UBE2N: variants seen among roughly 807,000 people sequenced by gnomAD.
UBE2N encodes ubiquitin conjugating enzyme E2 N.
For synonymous variants in UBE2N, 70 were observed against 69.2 expected (o/e 1.01, Z -0.06); for missense variants, 60 against 192.1 (o/e 0.31, Z 4.07).
intron 1 of UBE2N, among the ~76,000 whole-genome samples, chr12:93,424,920 T>C (rs1466868621): frequency 6.6e-6 from 1 of 152,240 alleles, no homozygotes; most frequent in African/African-American, 2.4e-5. Flanking sequence ...TTTAATGTTA[T>C]CTATTTTGTG....
chr12:93,433,135 A>G (rs922436860), intron 1 of UBE2N, among the ~76,000 whole-genome samples: 1 of 151,908 alleles, frequency 6.6e-6, no homozygotes, highest in Non-Finnish European at 1.5e-5. Context: ...GGGTTTCACC[A>G]TGTTAGCCAG....
At chr12:93,429,355 T>C in intron 1 of UBE2N, 1 of 410,058 alleles carries the variant, frequency 2.4e-6, no homozygotes, top group South Asian at 1.8e-5. Context: ...TTTTTAGACT[T>C]ACTGAGAAAA....
intron 1 of UBE2N, among the ~76,000 whole-genome samples, chr12:93,434,964 G>A (rs1878889574): frequency 6.6e-6 from 1 of 151,956 alleles, no homozygotes; most frequent in African/African-American, 2.4e-5. Context: ...GGGTGCAGTG[G>A]TGCCACTAAT....
At position 93,406,456 on chromosome 12, in the gene UBE2N, TTA is replaced by T. The variant is rs1877824656; in HGVS notation, c.*3581_*3582del. The T allele has an allele frequency of 6.6e-6, 1 of 152,126 alleles. No homozygotes were observed. Among genetic ancestry groups the T allele is most frequent in the Admixed American group, 6.5e-5 (1 of 15,272 alleles). The allele number at this position is 152,126 out of a possible 1,614,324, so 9.4% of individuals were successfully genotyped here. On this transcript the variant is annotated 3_prime_UTR_variant, in exon 4 of 4. Transcript: ENST00000318066. The stretch of plus-strand genomic sequence containing the variant: ...CAAACAACCATAGCACCTGTGACTT[TTA>T]TCTGTTGGTTTGTATTTAATCTTAT...
chr12:93,410,837 C>G lies in UBE2N; in HGVS notation c.315G>C (p.Leu105=). The change falls in exon 3 of 4, where the codon CTG becomes CTC. Residue 105 remains leucine (L), a synonymous_variant. Transcript: ENST00000318066. ...CACTTAACAAGGCCTGGATCGATAG[C>G]AGAACTGTGCGGATCTGCAGTGCTG... ...WSPALQIRTV[L]LSIQALLSAP... is the part of the protein sequence containing the mutation. 6.2e-7 allele frequency: 1 copy of G among 1,614,148 alleles called. No homozygotes were observed. Among genetic ancestry groups the G allele is most frequent in the South Asian group, 1.1e-5 (1 of 91,078 alleles).
intron 3 of UBE2N, 76 bp downstream of exon 3, chr12:93,410,658 A>G (rs763224648): frequency 3.6e-5 from 56 of 1,576,616 alleles, no homozygotes; most frequent in Non-Finnish European, 4.7e-5. Context: ...CCTTGCCAAG[A>G]GCTTTAGAAA....
intron 1 of UBE2N, among the ~76,000 whole-genome samples, chr12:93,414,400 G>A (rs1453272618): frequency 1.4e-5 from 2 of 141,264 alleles, no homozygotes; most frequent in Non-Finnish European, 3.0e-5. Context: ...GGTGAGCCCC[G>A]ATCATGCCAT....
intron 1 of UBE2N, chr12:93,424,380 G>C (rs1878510676): frequency 6.6e-6 from 1 of 152,208 alleles, no homozygotes; most frequent in Admixed American, 6.5e-5. Flanking sequence ...GATGGAAGCA[G>C]AGCAGTTGAA....
chr12:93,441,910 T>TG lies in UBE2N; in HGVS notation c.-27dup. ...CTTGTCAGAACCCGAGTTCGGCCTC[T>TG]GGTCTCGTCTCCGGCTCCTCTCGCC... is the stretch of plus-strand genomic sequence containing the variant. On this transcript the variant is annotated 5_prime_UTR_variant, in exon 1 of 4. Transcript: ENST00000318066. 6.4e-7 allele frequency: 1 copy of TG among 1,569,216 alleles called. No homozygotes were observed. Among genetic ancestry groups the TG allele is most frequent in the South Asian group, 1.2e-5 (1 of 86,460 alleles).
chr12:93,429,101 C>T (rs1878676628), intron 1 of UBE2N, among the ~76,000 whole-genome samples: 1 of 151,984 alleles, frequency 6.6e-6, no homozygotes, highest in Non-Finnish European at 1.5e-5. Context: ...GAAACCCCGT[C>T]TCTACTAAAA....
intron 1 of UBE2N, among the ~76,000 whole-genome samples, chr12:93,433,274 T>C (rs1878825128): frequency 6.6e-6 from 1 of 152,132 alleles, no homozygotes; most frequent in East Asian, 1.9e-4. Context: ...TGGTGTCATG[T>C]AGCCCTTGAA....
chr12:93,407,443 A>G lies in UBE2N; in HGVS notation c.*2596T>C, dbSNP rs1223904399. On this transcript the variant is annotated 3_prime_UTR_variant, in exon 4 of 4. Coordinates refer to ENST00000318066, the MANE Select transcript of UBE2N (RefSeq NM_003348.4). ...TTTTGTTGAATAATGTGTTTCCTTT[A>G]GCCCAGGGATTACAAAGTCAAAGGC... is the stretch of plus-strand genomic sequence containing the variant. The G allele has an allele frequency of 6.6e-6, 1 of 152,238 alleles. No individual in the cohort carries two copies. Among genetic ancestry groups the G allele is most frequent in the African/African-American group, 2.4e-5 (1 of 41,440 alleles). The allele number at this position is 152,238 out of a possible 1,614,324, so 9.4% of individuals were successfully genotyped here.
intron 1 of UBE2N, among the ~76,000 whole-genome samples, chr12:93,426,342 T>A (rs1306190485): frequency 1.3e-5 from 2 of 150,212 alleles, no homozygotes; most frequent in Non-Finnish European, 2.9e-5. Context: ...CTGGAATCAG[T>A]TCTTGCTAGC....
chr12:93,429,229 C>G, intron 1 of UBE2N: 1 of 373,316 alleles, frequency 2.7e-6, no homozygotes, highest in South Asian at 2.1e-5. Context: ...AAGATCACAC[C>G]ATTGCACTCC....
intron 1 of UBE2N, 53 bp downstream of exon 1, chr12:93,441,802 A>C: frequency 6.4e-7 from 1 of 1,572,034 alleles, no homozygotes; most frequent in Non-Finnish European, 8.6e-7. Context: ...CTGCCTGCCC[A>C]GCTGAGCCGA....
intron 1 of UBE2N, among the ~76,000 whole-genome samples, chr12:93,419,321 C>G (rs1386057432): frequency 6.6e-6 from 1 of 151,286 alleles, no homozygotes; most frequent in Non-Finnish European, 1.5e-5. Context: ...ACCTGGGAGA[C>G]GGAGGTTGCA....
chr12:93,425,003 T>C (rs1444213262), intron 1 of UBE2N, among the ~76,000 whole-genome samples: 1 of 152,232 alleles, frequency 6.6e-6, no homozygotes, highest in African/African-American at 2.4e-5. Flanking sequence ...TAGGAAGACA[T>C]TCAATCTTTT....
intron 1 of UBE2N, among the ~76,000 whole-genome samples, chr12:93,412,180 T>G (rs1490238241): frequency 1.3e-5 from 2 of 152,176 alleles, no homozygotes; most frequent in African/African-American, 4.8e-5. Flanking sequence ...TACCATTAGT[T>G]CTCTTTTTCA....
intron 1 of UBE2N, among the ~76,000 whole-genome samples, chr12:93,421,583 C>T (rs554950904): frequency 3.3e-5 from 5 of 152,180 alleles, no homozygotes; most frequent in East Asian, 1.9e-4. Context: ...CCTTCATAAT[C>T]GTGAAGTGGT....
Sources: allele counts gnomAD v4.1 joint callset (sites outside exome capture counted in the v4.1 genomes callset), GRCh38; gene constraint gnomAD v4.1.1; transcripts MANE v1.5; gene names NCBI Gene and HGNC (gene_info 2026-07-23, HGNC 2026-07-21).